Variants in IFNLR1 observed in about 807,000 individuals in gnomAD.
IFNLR1 encodes the protein CRF2-12.
In IFNLR1, 28 loss-of-function variants were observed where a neutral mutation model predicts 52.5. That is an observed-to-expected ratio of 0.53 (90% CI 0.40 to 0.73). The LOEUF (loss-of-function observed/expected upper bound fraction) is 0.73, where lower values mean the gene tolerates loss of function less well. IFNLR1 is among the 30% of genes least tolerant of loss of function. IFNLR1 has a pLI of 0.00. For synonymous variants in IFNLR1, 276 were observed against 274.9 expected, an observed-to-expected ratio of 1.00 and a Z score of -0.04; for missense variants, 623 against 659.1, an observed-to-expected ratio of 0.95 and a Z score of 0.60.
intron 3 of IFNLR1, among the ~76,000 whole-genome samples, chr1:24,165,185 G>A (rs1644505699): frequency 1.3e-5 from 2 of 152,188 alleles, no homozygotes; most frequent in South Asian, 2.1e-4. Flanking sequence ...TTTACTATAA[G>A]AGGCAGGAAG....
At chr1:24,159,750 G>GTTTTT in intron 4 of IFNLR1, 117 bp from the exon 5 acceptor site, 3 of 791,134 alleles carry the variant, frequency 3.8e-6, no homozygotes, top group African/African-American at 2.2e-5. Context: ...TTTTTTTTTT[G>GTTTTT]TTTTTTTGTA....
intron 3 of IFNLR1, among the ~76,000 whole-genome samples, chr1:24,166,690 G>A (rs1436915393): frequency 1.3e-5 from 2 of 151,988 alleles, no homozygotes; most frequent in East Asian, 3.9e-4. Flanking sequence ...GGGACCACAG[G>A]TGCCCACCAC....
At chr1:24,178,579 C>G (rs1178648683) in intron 2 of IFNLR1, among the ~76,000 whole-genome samples, 1 of 152,088 alleles carries the variant, frequency 6.6e-6, no homozygotes, top group African/African-American at 2.4e-5. Context: ...CAGGAGCAAA[C>G]TTGATGAGAC....
In IFNLR1 at chr1:24,157,432, G is replaced by A; in HGVS notation, c.1261C>T (p.His421Tyr). ...TCAGGTGGTGGGAGAGATTCTTGGT[G>A]CCCATCCCCACCCGGCCCTTGGCCT... ...GPGQGPGGDG[H>Y]QESLPPPEFS... Residue 421 changes from histidine to tyrosine, a missense_variant, in exon 7 of 7, where the codon CAC (histidine) becomes TAC (tyrosine). Physicochemically the swap from His to Tyr is moderately conservative, Grantham distance 83. Coordinates refer to ENST00000327535, the MANE Select transcript of IFNLR1 (RefSeq NM_170743.4). This position sits in a 1 kb window ranked among gnomAD's most constrained non-coding sequence, Gnocchi z 5.1. 1 of 1,614,144 alleles carries A rather than the reference G, an allele frequency of 6.2e-7. No individual in the cohort carries two copies. The highest frequency in any genetic ancestry group is 8.5e-7 in the Non-Finnish European group (1 of 1,180,016).
Position 24,155,881 on chromosome 1 carries a change from C to T in IFNLR1, c.*1249G>A, listed in dbSNP as rs2148582591. 6.6e-6 allele frequency: 1 copy of T among 152,324 alleles called. No individual in the cohort carries two copies. Among genetic ancestry groups the T allele is most frequent in the South Asian group, 2.1e-4 (1 of 4,830 alleles). 9.4% of individuals were successfully genotyped at this position (152,324 alleles called of 1,614,324 possible). A position where few individuals can be genotyped will look rare whatever the true frequency, so the allele number is the denominator to read the frequency against. On this transcript the variant is annotated 3_prime_UTR_variant, in exon 7 of 7. Transcript: ENST00000327535. Reference sequence around the variant, plus strand: ...CTATATTCAGGTGGGTGTAGGTTAACTGAGGATGCATCAGCACCCCCAGGT... The same window carrying T: ...CTATATTCAGGTGGGTGTAGGTTAATTGAGGATGCATCAGCACCCCCAGGT...
chr1:24,182,748 T>A (rs1299610037), intron 1 of IFNLR1, among the ~76,000 whole-genome samples: 1 of 151,966 alleles, frequency 6.6e-6, no homozygotes, highest in African/African-American at 2.4e-5. Flanking sequence ...GGTGAAACCC[T>A]GTCTCTACTA....
chr1:24,166,973 C>A (rs182297853), intron 3 of IFNLR1, among the ~76,000 whole-genome samples: 140 of 152,284 alleles, frequency 9.2e-4, no homozygotes, highest in African/African-American at 3.2e-3. Context: ...AGGATTTTTC[C>A]AGAAGAGATT....
At chr1:24,176,825 T>C (rs1218961752) in intron 2 of IFNLR1, among the ~76,000 whole-genome samples, 1 of 152,184 alleles carries the variant, frequency 6.6e-6, no homozygotes, top group African/African-American at 2.4e-5. Context: ...TTGCCCAGGC[T>C]GGTCTCAAAC....
chr1:24,181,800 A>G (rs1431767088), intron 1 of IFNLR1, among the ~76,000 whole-genome samples: 1 of 152,184 alleles, frequency 6.6e-6, no homozygotes, highest in Non-Finnish European at 1.5e-5. Flanking sequence ...AAACTTGGAC[A>G]TGGATCAGAC....
intron 2 of IFNLR1, among the ~76,000 whole-genome samples, chr1:24,175,348 C>A (rs956109518): frequency 1.3e-5 from 2 of 152,210 alleles, no homozygotes; most frequent in African/African-American, 4.8e-5. Flanking sequence ...GAGCACTGAG[C>A]CAAAGAGGGC....
Position 24,154,899 on chromosome 1 carries a change from C to G in IFNLR1, c.*2231G>C, listed in dbSNP as rs2148581777. 1 of 152,268 alleles carries G rather than the reference C, an allele frequency of 6.6e-6. No individual in the cohort carries two copies. Among genetic ancestry groups the G allele is most frequent in the South Asian group, 2.1e-4 (1 of 4,822 alleles). The allele number at this position is 152,268 out of a possible 1,614,324, so 9.4% of individuals were successfully genotyped here. A position where few individuals can be genotyped will look rare whatever the true frequency, so the allele number is the denominator to read the frequency against. On this transcript the variant is annotated 3_prime_UTR_variant, in exon 7 of 7. Transcript: ENST00000327535. ...CAGCCTAGGCAAAAAGAACAAAACT[C>G]CGACTCAAAAAAACAAAACAAAACA... is the stretch of plus-strand genomic sequence containing the variant.
chr1:24,181,282 C>A (rs901200768), intron 1 of IFNLR1, among the ~76,000 whole-genome samples: 1 of 152,234 alleles, frequency 6.6e-6, no homozygotes, highest in Non-Finnish European at 1.5e-5. Context: ...TGACCGGTCT[C>A]CTTGCTTCCA....
At chr1:24,178,726 A>G (rs1644659226) in intron 2 of IFNLR1, among the ~76,000 whole-genome samples, 1 of 152,208 alleles carries the variant, frequency 6.6e-6, no homozygotes, top group Non-Finnish European at 1.5e-5. Flanking sequence ...GGGAGATGAT[A>G]AGGAACCAAT....
intron 2 of IFNLR1, among the ~76,000 whole-genome samples, chr1:24,177,607 C>T (rs993095629): frequency 2.0e-5 from 3 of 152,188 alleles, no homozygotes; most frequent in Non-Finnish European, 4.4e-5. Flanking sequence ...TGAGTGAGGA[C>T]GAGTCTTCCA....
In IFNLR1 at chr1:24,159,500, G is replaced by T. The variant is rs748698775; in HGVS notation, c.644C>A (p.Pro215His). 6.2e-7 allele frequency: 1 copy of T among 1,614,130 alleles called. No individual in the cohort carries two copies. Among genetic ancestry groups the T allele is most frequent in the East Asian group, 2.2e-5 (1 of 44,872 alleles). Residue 215 changes from proline to histidine, a missense_variant, in exon 5 of 7, where the codon CCC becomes CAC. By Grantham distance (77) the Pro-to-His change is moderately conservative. Coordinates refer to ENST00000327535, the MANE Select transcript of IFNLR1 (RefSeq NM_170743.4). ...SVPKYSKFSK[P>H]TCFLLEVPEA... ...TGGGACCTCCAGCAAGAAGCAGGTG[G>T]GCTTAGAGAACTTGCTGTATTTCGG...
intron 3 of IFNLR1, among the ~76,000 whole-genome samples, chr1:24,167,483 C>G (rs1405332064): frequency 6.6e-6 from 1 of 151,594 alleles, no homozygotes; most frequent in Non-Finnish European, 1.5e-5. Flanking sequence ...TTCCCAAGTT[C>G]AAGCAATTCT....
chr1:24,169,329 G>A, intron 3 of IFNLR1, 88 bp downstream of exon 3: 1 of 1,256,008 alleles, frequency 8.0e-7, no homozygotes, highest in East Asian at 2.4e-5. Flanking sequence ...GGAGACAGAT[G>A]GTCAGGAGAA....
At chr1:24,177,474 G>A (rs1644644595) in intron 2 of IFNLR1, among the ~76,000 whole-genome samples, 1 of 152,214 alleles carries the variant, frequency 6.6e-6, no homozygotes, top group South Asian at 2.1e-4. Flanking sequence ...AGGAGGAGCA[G>A]AAGGAAGCAT....
intron 1 of IFNLR1, among the ~76,000 whole-genome samples, chr1:24,182,693 G>C (rs1429492026): frequency 6.6e-6 from 1 of 152,048 alleles, no homozygotes; most frequent in Non-Finnish European, 1.5e-5. Flanking sequence ...AGGCTGATGT[G>C]GGCAGATCCC....
Sources: gnomAD v4.1 joint callset for allele counts (sites outside exome capture counted in the v4.1 genomes callset) on GRCh38, gnomAD v4.1.1 for gene constraint, Gnocchi (gnomAD v3.1) non-coding constraint, MANE v1.5 for transcripts, NCBI Gene and HGNC (gene_info 2026-07-23, HGNC 2026-07-21) for gene names.